Variants in TBX20 observed in about 807,000 individuals in gnomAD.
TBX20 encodes the protein T-box transcription factor 20.
A neutral mutation model predicts 42.9 loss-of-function variants in TBX20; 8 were observed. The observed-to-expected ratio is 0.19, with a 90% confidence interval of 0.11 to 0.34. TBX20 has a LOEUF of 0.34. Ranked by LOEUF, TBX20 falls within the 10% of genes least tolerant of loss-of-function variation. TBX20 has a pLI of 1.00. For synonymous variants in TBX20, 198 were observed against 222.8 expected (o/e 0.89, Z 0.99); for missense variants, 411 against 566.0 (o/e 0.73, Z 2.78).
intron 1 of TBX20, among the ~76,000 whole-genome samples, chr7:35,251,490 A>G (rs1790304875): frequency 6.6e-6 from 1 of 152,256 alleles, no homozygotes; most frequent in South Asian, 2.1e-4. Flanking sequence ...AAAGGAAACC[A>G]TACCATAACA....
intron 5 of TBX20, among the ~76,000 whole-genome samples, chr7:35,238,448 T>A (rs571994547): frequency 2.6e-5 from 4 of 152,322 alleles, no homozygotes; most frequent in Admixed American, 2.0e-4. Flanking sequence ...ATAAAAGCAA[T>A]GAGGTTTCCA....
At chr7:35,240,134 A>G (rs1790047437) in intron 5 of TBX20, among the ~76,000 whole-genome samples, 1 of 152,236 alleles carries the variant, frequency 6.6e-6, no homozygotes, top group African/African-American at 2.4e-5. Context: ...GCTTGGAACC[A>G]AAAGTATTTT....
intron 6 of TBX20, among the ~76,000 whole-genome samples, chr7:35,220,627 C>T (rs916024915): frequency 1.3e-5 from 2 of 152,200 alleles, no homozygotes; most frequent in African/African-American, 4.8e-5. Flanking sequence ...ATCTAACAAA[C>T]AGCTTCAGGC....
intron 6 of TBX20, among the ~76,000 whole-genome samples, chr7:35,226,141 G>A (rs1789766997): frequency 6.6e-6 from 1 of 151,948 alleles, no homozygotes; most frequent in Non-Finnish European, 1.5e-5. Context: ...AGGTTTAAAT[G>A]AAAAACTAAA....
At position 35,253,354 on chromosome 7, in the gene TBX20, A is replaced by C. The variant is rs1368825216; in HGVS notation, c.127+140T>G. 4 of 1,017,510 alleles carry C rather than the reference A, an allele frequency of 3.9e-6. No homozygotes were observed. In the Admixed American group the frequency reaches 1.0e-4, roughly 25 times the overall value. The allele number at this position is 1,017,510 out of a possible 1,614,324, so 63.0% of individuals were successfully genotyped here. On this transcript the variant is annotated intron_variant, in intron 1 of 7. Coordinates refer to ENST00000408931, the MANE Select transcript of TBX20 (RefSeq NM_001077653.2). ...AAGCCTCCAAAGAAAACTTGGACCCAAAAGAAAAAGATCTCCCACCCGCGA... is the reference window on the plus strand; with the variant it reads ...AAGCCTCCAAAGAAAACTTGGACCCCAAAGAAAAAGATCTCCCACCCGCGA...
rs150754930 is a variant in TBX20 at position 35,205,412 on chromosome 7, A to T, written c.891-830T>A. Among the ~76,000 whole-genome samples the T allele has an allele frequency of 4.7e-3, 712 of 152,266 alleles. 6 individuals carry two copies. The highest frequency in any genetic ancestry group is 0.016 in the African/African-American group (669 of 41,576). On this transcript the variant is annotated intron_variant, in intron 6 of 7. Transcript: ENST00000408931. ...TTGTTCGCCAAAAGTGCATACTGAT[A>T]ACAGATTAGTCTGCATGGCACACAT...
chr7:35,233,504 G>C (rs4723399), intron 5 of TBX20, among the ~76,000 whole-genome samples: 60,354 of 152,050 alleles, frequency 0.4, 12,106 homozygotes, highest in Admixed American at 0.48. Context: ...AGAGATACAG[G>C]AAAGAGTTTA....
intron 6 of TBX20, among the ~76,000 whole-genome samples, chr7:35,215,989 C>T (rs1467805378): frequency 6.6e-6 from 1 of 152,168 alleles, no homozygotes; most frequent in Non-Finnish European, 1.5e-5. Flanking sequence ...AAAACTTTCC[C>T]TTCCCCTCAC....
intron 6 of TBX20, among the ~76,000 whole-genome samples, chr7:35,214,103 C>T (rs959732992): frequency 7.2e-5 from 11 of 152,076 alleles, no homozygotes; most frequent in African/African-American, 2.7e-4. Context: ...AAAATAGTGT[C>T]TGGCACATAG....
At chr7:35,234,664 T>G (rs1181481974) in intron 5 of TBX20, among the ~76,000 whole-genome samples, 1 of 152,186 alleles carries the variant, frequency 6.6e-6, no homozygotes, top group Non-Finnish European at 1.5e-5. Context: ...TACACCCAGA[T>G]TTACCAATTA....
rs766060288 is a variant in TBX20, at chr7:35,208,742, CAAAAAAAAAAAAAAAAAAAA to C, written c.891-4180_891-4161del. On this transcript the variant is annotated intron_variant, in intron 6 of 7. Transcript: ENST00000408931. ...GGGCAACAAGAGCGAAACTCCGTCTCAAAAAAAAAAAAAAAAAAAAAAAAAAAAAAAAAAAAAAAAGAACA... is the reference window on the plus strand; with the variant it reads ...GGGCAACAAGAGCGAAACTCCGTCTCAAAAAAAAAAAAAAAAAAAAGAACA... Among the ~76,000 whole-genome samples, 100 of 21,128 alleles carry C rather than the reference CAAAAAAAAAAAAAAAAAAAA, an allele frequency of 4.7e-3. 1 individual carries two copies. Among genetic ancestry groups the C allele is most frequent in the African/African-American group, 0.019 (83 of 4,324 alleles). 13.9% of individuals were successfully genotyped at this position (21,128 alleles called of 152,430 possible).
chr7:35,232,627 T>C (rs961544712), intron 5 of TBX20, among the ~76,000 whole-genome samples: 5 of 152,206 alleles, frequency 3.3e-5, no homozygotes, highest in African/African-American at 1.2e-4. Flanking sequence ...TGTTCATCTC[T>C]AGAGAGAAAT....
At chr7:35,243,253 T>G (rs545596589) in intron 4 of TBX20, among the ~76,000 whole-genome samples, 3 of 152,318 alleles carry the variant, frequency 2.0e-5, no homozygotes, top group South Asian at 4.1e-4. Flanking sequence ...CTCAAAGTGC[T>G]GGATTGCAGG....
intron 3 of TBX20, among the ~76,000 whole-genome samples, chr7:35,246,204 A>G (rs569392949): frequency 2.0e-5 from 3 of 152,326 alleles, no homozygotes; most frequent in African/African-American, 7.2e-5. Flanking sequence ...AATGCACAAA[A>G]AAGGTTGACA....
At chr7:35,209,949 T>C (rs1789464644) in intron 6 of TBX20, among the ~76,000 whole-genome samples, 1 of 152,178 alleles carries the variant, frequency 6.6e-6, no homozygotes, top group Non-Finnish European at 1.5e-5. Flanking sequence ...TTTCAAATAT[T>C]TGGGGACTTT....
chr7:35,239,572 C>T (rs1176810214), intron 5 of TBX20, among the ~76,000 whole-genome samples: 1 of 152,226 alleles, frequency 6.6e-6, no homozygotes, highest in East Asian at 1.9e-4. Flanking sequence ...TTAGCTTCAG[C>T]TTCCTCACCT....
chr7:35,253,375 C>A (rs1790341652), intron 1 of TBX20, 119 bp downstream of exon 1: 8 of 1,213,886 alleles, frequency 6.6e-6, no homozygotes, highest in Admixed American at 2.3e-5. Context: ...ATCTCCCACC[C>A]GCGATGTATG....
Position 35,202,478 on chromosome 7 carries a change from G to A in TBX20, c.1296C>T (p.Ala432=). The change falls in exon 8 of 8, where the codon GCC becomes GCT. Residue 432 remains alanine (A), a synonymous_variant. Transcript: ENST00000408931. The part of the protein sequence containing the change: ...HHYFQQGPYA[A]IQGLRHSSAV... Reference sequence around the variant, plus strand: ...CAGAGGAATGGCGTAGTCCTTGAATGGCAGCATAGGGCCCCTGCTGAAAAT... The same window carrying A: ...CAGAGGAATGGCGTAGTCCTTGAATAGCAGCATAGGGCCCCTGCTGAAAAT... 2 of 1,606,860 alleles carry A rather than the reference G, an allele frequency of 1.2e-6. No individual in the cohort carries two copies. Among genetic ancestry groups the A allele is most frequent in the Non-Finnish European group, 1.7e-6 (2 of 1,176,698 alleles).
chr7:35,241,599 T>C (rs2270223), intron 4 of TBX20, among the ~76,000 whole-genome samples: 55,433 of 151,982 alleles, frequency 0.36, 10,463 homozygotes, highest in Admixed American at 0.46. Flanking sequence ...GTACTAACCT[T>C]GTAGGGCTGG....
Sources: gnomAD v4.1 joint callset for allele counts (sites outside exome capture counted in the v4.1 genomes callset) on GRCh38, gnomAD v4.1.1 for gene constraint, MANE v1.5 for transcripts, NCBI Gene and HGNC (gene_info 2026-07-23, HGNC 2026-07-21) for gene names.